Variants in DENND1A observed in about 807,000 individuals in gnomAD.
DENND1A encodes DENN domain containing 1A, also known as DENN domain-containing protein 1A.
In DENND1A, 51 loss-of-function variants were observed where a neutral mutation model predicts 113.7. The ratio of observed to expected loss-of-function variants is 0.45; its 90% confidence interval spans 0.36 to 0.57. The LOEUF (loss-of-function observed/expected upper bound fraction) is 0.57. DENND1A is among the 20% of genes least tolerant of loss of function. The pLI is 0.00. For synonymous variants in DENND1A, 565 were observed against 570.8 expected, an observed-to-expected ratio of 0.99 and a Z score of 0.14; for missense variants, 1,258 against 1,395.9, an observed-to-expected ratio of 0.90 and a Z score of 1.57.
intron 2 of DENND1A, among the ~76,000 whole-genome samples, chr9:123,848,438 G>A (rs1842922231): frequency 6.6e-6 from 1 of 151,972 alleles, no homozygotes. Context: ...CATAAACCAT[G>A]CCCATATAAG....
At chr9:123,909,801 A>C (rs1853634786) in intron 1 of DENND1A, among the ~76,000 whole-genome samples, 2 of 152,176 alleles carry the variant, frequency 1.3e-5, no homozygotes, top group African/African-American at 4.8e-5. Flanking sequence ...AAAAACCTAA[A>C]AACATCATTA....
chr9:123,517,145 C>T (rs1290580817), intron 13 of DENND1A, among the ~76,000 whole-genome samples: 13 of 148,728 alleles, frequency 8.7e-5, no homozygotes, highest in African/African-American at 2.0e-4. Flanking sequence ...CCCAGCTACT[C>T]GGGAGGCTGA....
intron 10 of DENND1A, among the ~76,000 whole-genome samples, chr9:123,614,123 T>A (rs536810254): frequency 6.6e-6 from 1 of 152,292 alleles, no homozygotes; most frequent in African/African-American, 2.4e-5. Context: ...GGTGCGATCA[T>A]CCATATTTTC....
chr9:123,454,712 G>A (rs1344657153), intron 16 of DENND1A, 27 bp downstream of exon 16: 2 of 1,552,590 alleles, frequency 1.3e-6, no homozygotes, highest in East Asian at 2.4e-5. Flanking sequence ...GGGAGTCCAG[G>A]GGGCTCTGAA....
chr9:123,621,440 C>T (rs1461312371), intron 10 of DENND1A, among the ~76,000 whole-genome samples: 1 of 152,172 alleles, frequency 6.6e-6, no homozygotes, highest in Non-Finnish European at 1.5e-5. Flanking sequence ...ACCCCCTTGG[C>T]CTCCCAAAGT....
intron 5 of DENND1A, among the ~76,000 whole-genome samples, chr9:123,699,278 C>A (rs2065723034): frequency 6.6e-6 from 1 of 152,106 alleles, no homozygotes; most frequent in South Asian, 2.1e-4. Flanking sequence ...TATGGTCATT[C>A]AAATGTCCTT....
chr9:123,859,668 C>A (rs1175671927), intron 2 of DENND1A, among the ~76,000 whole-genome samples: 1 of 152,070 alleles, frequency 6.6e-6, no homozygotes, highest in Non-Finnish European at 1.5e-5. Context: ...GGAATGCTTA[C>A]AAAGTGTGAA....
In DENND1A at chr9:123,777,207, G is replaced by T. The variant is rs375376293; in HGVS notation, c.133-7644C>A. On this transcript the variant is annotated intron_variant, in intron 3 of 23. Coordinates refer to ENST00000394215, the MANE Select transcript of DENND1A (RefSeq NM_001352964.2). Reference sequence around the variant, plus strand: ...TTCTACCTCTCTTACCCTCTTTCAGGGGGGAAAAAGGCCTCCAGTATGCAG... The same window carrying T: ...TTCTACCTCTCTTACCCTCTTTCAGTGGGGAAAAAGGCCTCCAGTATGCAG... Among the ~76,000 whole-genome samples the T allele has an allele frequency of 1.2e-4, 19 of 152,252 alleles. No homozygotes were observed. In the South Asian group the frequency reaches 2.3e-3, roughly 18 times the overall value.
chr9:123,505,646 C>A (rs375670457), intron 13 of DENND1A, among the ~76,000 whole-genome samples: 2 of 152,076 alleles, frequency 1.3e-5, no homozygotes, highest in African/African-American at 4.8e-5. Context: ...GATGAGGAGC[C>A]ATTTGGCTTC....
chr9:123,919,001 G>A (rs893663802), intron 1 of DENND1A, among the ~76,000 whole-genome samples: 15 of 151,994 alleles, frequency 9.9e-5, no homozygotes, highest in Admixed American at 2.6e-4. Flanking sequence ...AGGATGCAAC[G>A]GAAATCATAT....
chr9:123,656,209 G>A (rs2062937027), intron 8 of DENND1A, among the ~76,000 whole-genome samples: 1 of 152,120 alleles, frequency 6.6e-6, no homozygotes, highest in South Asian at 2.1e-4. Flanking sequence ...AGGGTGGGGA[G>A]AGGAGCGCAC....
intron 2 of DENND1A, among the ~76,000 whole-genome samples, chr9:123,860,067 G>A (rs752469155): frequency 3.3e-5 from 5 of 152,190 alleles, no homozygotes; most frequent in Non-Finnish European, 5.9e-5. Flanking sequence ...AGGAGGCCAT[G>A]GTAATCAGCT....
intron 13 of DENND1A, among the ~76,000 whole-genome samples, chr9:123,480,418 A>T (rs2050243713): frequency 6.6e-6 from 1 of 152,180 alleles, no homozygotes; most frequent in Admixed American, 6.5e-5. Flanking sequence ...TGCAAACCAG[A>T]AGTCTCAATC....
At chr9:123,514,092 GTGTGTA>G (rs756450736) in intron 13 of DENND1A, among the ~76,000 whole-genome samples, 67 of 138,100 alleles carry the variant, frequency 4.9e-4, no homozygotes, top group South Asian at 1.2e-3. Flanking sequence ...GTGTGTGTGT[GTGTGTA>G]TGTGTGTGTG....
intron 11 of DENND1A, among the ~76,000 whole-genome samples, chr9:123,599,912 A>T (rs2059868100): frequency 6.6e-6 from 1 of 152,188 alleles, no homozygotes; most frequent in African/African-American, 2.4e-5. Context: ...CAAATGCCTG[A>T]TGGTCACAAA....
At chr9:123,543,739 T>C (rs2056454870) in intron 13 of DENND1A, among the ~76,000 whole-genome samples, 1 of 152,218 alleles carries the variant, frequency 6.6e-6, no homozygotes, top group African/African-American at 2.4e-5. Context: ...CATCCGTCCC[T>C]GGGAAGCTTC....
intron 9 of DENND1A, among the ~76,000 whole-genome samples, chr9:123,650,856 G>A (rs1020424248): frequency 8.7e-5 from 12 of 138,426 alleles, no homozygotes; most frequent in African/African-American, 1.4e-4. Context: ...GCAGTGAGCC[G>A]AGATAGTGCC....
intron 13 of DENND1A, among the ~76,000 whole-genome samples, chr9:123,483,864 G>C (rs1213399939): frequency 6.6e-6 from 1 of 152,230 alleles, no homozygotes; most frequent in African/African-American, 2.4e-5. Flanking sequence ...AGATGTGTAA[G>C]AGAGACTCAG....
At chr9:123,799,400 T>C (rs1590132662) in intron 2 of DENND1A, among the ~76,000 whole-genome samples, 1 of 152,132 alleles carries the variant, frequency 6.6e-6, no homozygotes, top group South Asian at 2.1e-4. Context: ...TAAGACACAG[T>C]CCTCACCCTC....
Sources: gnomAD v4.1 joint callset for allele counts (sites outside exome capture counted in the v4.1 genomes callset) on GRCh38, gnomAD v4.1.1 for gene constraint, MANE v1.5 for transcripts, NCBI Gene and HGNC (gene_info 2026-07-23, HGNC 2026-07-21) for gene names.